The following ADGRV1 variants were observed in gnomAD, a reference collection of about 807,000 sequenced individuals.
ADGRV1 encodes the protein G-protein coupled receptor 98.
ADGRV1 carries 359 observed loss-of-function variants against 596.2 expected under a neutral mutation model. The ratio of observed to expected loss-of-function variants is 0.60; its 90% CI spans 0.55 to 0.66. The LOEUF is 0.66. Ranked by LOEUF, ADGRV1 falls within the 30% of genes least tolerant of loss-of-function variation. ADGRV1 has a pLI of 0.00. For synonymous variants in ADGRV1, 2,681 were observed against 2,679.2 expected (o/e 1.00, Z -0.02); for missense variants, 7,274 against 7,575.6 (o/e 0.96, Z 1.48).
At chr5:90,857,903 C>T (rs998654981) in intron 82 of ADGRV1, among the ~76,000 whole-genome samples, 8 of 152,096 alleles carry the variant, frequency 5.3e-5, no homozygotes, top group Non-Finnish European at 8.8e-5. Context: ...TCCTGAAATA[C>T]GGCAGTATAC....
At chr5:91,060,388 ATATATATATAT>A (rs1470772281) in intron 85 of ADGRV1, among the ~76,000 whole-genome samples, 13 of 41,314 alleles carry the variant, frequency 3.1e-4, no homozygotes, top group East Asian at 1.4e-3. Context: ...GTATATATAT[ATATATATATAT>A]TTTTTTTTTT....
At chr5:90,603,158 G>A (rs376355498) in intron 1 of ADGRV1, among the ~76,000 whole-genome samples, 2 of 152,206 alleles carry the variant, frequency 1.3e-5, no homozygotes, top group South Asian at 4.1e-4. Context: ...GTTGCAGTGT[G>A]TAGAGGTGGC....
chr5:90,876,879 G>T (rs534613640), intron 83 of ADGRV1, among the ~76,000 whole-genome samples: 1 of 152,064 alleles, frequency 6.6e-6, no homozygotes, highest in Non-Finnish European at 1.5e-5. Context: ...GTACTATGAC[G>T]CAGTAATGTC....
intron 83 of ADGRV1, among the ~76,000 whole-genome samples, chr5:90,938,590 C>T (rs1561971805): frequency 1.3e-5 from 2 of 152,234 alleles, no homozygotes; most frequent in South Asian, 4.1e-4. Context: ...GCTTAATTCC[C>T]CTCTCCCTTT....
intron 7 of ADGRV1, 96 bp from the exon 8 acceptor site, chr5:90,628,466 A>G: frequency 1.0e-6 from 1 of 972,276 alleles, no homozygotes. Flanking sequence ...TTCTGTTTTT[A>G]TCAGTGTCTA....
At chr5:91,136,105 A>T (rs1794615493) in intron 87 of ADGRV1, among the ~76,000 whole-genome samples, 1 of 152,078 alleles carries the variant, frequency 6.6e-6, no homozygotes. Flanking sequence ...CCTGTAGTGG[A>T]GAATCTGAGG....
chr5:90,970,410 A>T (rs777137511), intron 84 of ADGRV1, among the ~76,000 whole-genome samples: 29 of 152,180 alleles, frequency 1.9e-4, no homozygotes, highest in Non-Finnish European at 4.0e-4. Flanking sequence ...AGATCTGAGA[A>T]TGGACAGACT....
At chr5:90,988,159 C>T (rs1285820646) in intron 85 of ADGRV1, among the ~76,000 whole-genome samples, 2 of 152,190 alleles carry the variant, frequency 1.3e-5, no homozygotes, top group African/African-American at 4.8e-5. Context: ...GCTGCCTCAA[C>T]AGCTTTACAG....
intron 1 of ADGRV1, among the ~76,000 whole-genome samples, chr5:90,570,889 C>G (rs779369850): frequency 6.5e-4 from 99 of 151,914 alleles, no homozygotes; most frequent in African/African-American, 2.3e-3. Flanking sequence ...ACAGTTGATA[C>G]AAAGTCTTTG....
chr5:91,136,975 A>G (rs934402437), intron 87 of ADGRV1, among the ~76,000 whole-genome samples: 1 of 152,224 alleles, frequency 6.6e-6, no homozygotes, highest in Admixed American at 6.5e-5. Context: ...TCTTTATTAT[A>G]GTCTAAGAAA....
intron 84 of ADGRV1, among the ~76,000 whole-genome samples, chr5:90,974,138 A>G (rs1779331816): frequency 6.6e-6 from 1 of 152,202 alleles, no homozygotes; most frequent in Non-Finnish European, 1.5e-5. Context: ...AATCCAACTT[A>G]CAAGGGACGT....
At chr5:90,746,228 T>G in intron 52 of ADGRV1, among the ~76,000 whole-genome samples, 1 of 99,346 alleles carries the variant, frequency 1.0e-5, no homozygotes, top group East Asian at 3.4e-4. Flanking sequence ...GGGAAGAGAA[T>G]GAGAGGTGGG....
intron 1 of ADGRV1, among the ~76,000 whole-genome samples, chr5:90,581,808 A>T (rs1758098748): frequency 6.6e-6 from 1 of 152,208 alleles, no homozygotes; most frequent in Admixed American, 6.5e-5. Flanking sequence ...ACTTCTTGAT[A>T]AAGGTGTTTT....
rs148684653 is a variant in ADGRV1, at chr5:91,045,104, C to T, written c.18153-27343C>T. On this transcript the variant is annotated intron_variant, in intron 85 of 89. Coordinates refer to ENST00000405460, the MANE Select transcript of ADGRV1 (RefSeq NM_032119.4). The stretch of plus-strand genomic sequence containing the variant: ...ATAAAAATGAGCAAATTATACCAGA[C>T]ATTCAAAAAGAAGAATTGGCACCAT... Among the ~76,000 whole-genome samples the T allele has an allele frequency of 7.2e-3, 1,103 of 152,146 alleles. 7 individuals are homozygous for T. The highest frequency in any genetic ancestry group is 0.017 in the Middle Eastern group (5 of 294).
chr5:90,652,903 T>C (rs1243101810), intron 19 of ADGRV1, among the ~76,000 whole-genome samples: 1 of 152,224 alleles, frequency 6.6e-6, no homozygotes, highest in Non-Finnish European at 1.5e-5. Context: ...GCTTGATCTT[T>C]GTGTCATAAT....
intron 85 of ADGRV1, among the ~76,000 whole-genome samples, chr5:91,008,579 C>T (rs2151134887): frequency 6.6e-6 from 1 of 152,208 alleles, no homozygotes; most frequent in Non-Finnish European, 1.5e-5. Flanking sequence ...TATCAACTCA[C>T]TGCAACCTCC....
At chr5:90,714,580 GATTTATATTTAC>G (rs1248267650) in intron 42 of ADGRV1, among the ~76,000 whole-genome samples, 8 of 151,488 alleles carry the variant, frequency 5.3e-5, no homozygotes, top group Non-Finnish European at 1.2e-4. Flanking sequence ...TCATTGTTTT[GATTTATATTTAC>G]ATTATTGCAC....
At chr5:90,866,978 C>T (rs116355213) in intron 83 of ADGRV1, among the ~76,000 whole-genome samples, 1 of 152,078 alleles carries the variant, frequency 6.6e-6, no homozygotes, top group East Asian at 1.9e-4. Context: ...TGTGAAGAAA[C>T]AGCAAACAAA....
intron 85 of ADGRV1, among the ~76,000 whole-genome samples, chr5:91,059,859 G>C (rs1479464971): frequency 1.3e-5 from 2 of 152,050 alleles, no homozygotes; most frequent in Non-Finnish European, 2.9e-5. Context: ...AGTTTTAACT[G>C]TAACATTGCA....
Sources: allele counts gnomAD v4.1 joint callset (sites outside exome capture counted in the v4.1 genomes callset), GRCh38; gene constraint gnomAD v4.1.1; transcripts MANE v1.5; gene names NCBI Gene and HGNC (gene_info 2026-07-23, HGNC 2026-07-21).